SOX14: variants seen among roughly 807,000 people sequenced by gnomAD.
The protein encoded by SOX14 is SRY-box transcription factor 14.
Under a neutral mutation model 14.8 loss-of-function variants are expected in SOX14, and 5 were observed. The ratio of observed to expected loss-of-function variants is 0.34; its 90% CI spans 0.18 to 0.71. The LOEUF is 0.71. SOX14 is among the 30% of genes least tolerant of loss of function. The probability of loss-of-function intolerance (pLI) is 0.64; values close to 1 mark genes in which losing one functional copy is unlikely to be tolerated. For missense variants in SOX14, 270 were observed against 329.7 expected, an observed-to-expected ratio of 0.82 and a Z score of 1.40; for synonymous variants, 164 against 146.3, an observed-to-expected ratio of 1.12 and a Z score of -0.87.
chr3:137,765,136 C>A lies in SOX14; in HGVS notation c.352C>A (p.Leu118Ile). 1 of 1,612,786 alleles carries A rather than the reference C, an allele frequency of 6.2e-7. No individual in the cohort carries two copies. Among genetic ancestry groups the A allele is most frequent in the Non-Finnish European group, 8.5e-7 (1 of 1,179,282 alleles). Residue 118 changes from leucine (L) to isoleucine (I), a missense_variant, in exon 1 of 1, where the codon CTC (leucine) becomes ATC (isoleucine). Around this residue, in one of 2 missense-constraint regions of SOX14, gnomAD observed 207 missense variants for 210.9 expected, o/e 0.98. Transcript: ENST00000306087. ...AGLPVGASDG[L>I]LSAPEKARAF... Reference sequence around the variant, plus strand: ...CCTGCCCGTGGGGGCCTCCGACGGCCTCCTGAGCGCGCCCGAGAAAGCCCG... The same window carrying A: ...CCTGCCCGTGGGGGCCTCCGACGGCATCCTGAGCGCGCCCGAGAAAGCCCG...
chr3:137,765,686 C>A lies in SOX14; in HGVS notation c.*179C>A, dbSNP rs1024060969. On this transcript the variant is annotated 3_prime_UTR_variant, in exon 1 of 1. Coordinates refer to ENST00000306087, the MANE Select transcript of SOX14 (RefSeq NM_004189.4). ...GTGGGGCGTCCTCCCGGACCCAAGG[C>A]GCAGACAGGTACCGGAAACTTGCAA... The A allele has an allele frequency of 3.5e-5, 26 of 736,820 alleles. No homozygotes were observed. Among genetic ancestry groups the A allele is most frequent in the Non-Finnish European group, 5.4e-5 (26 of 484,606 alleles). The allele number at this position is 736,820 out of a possible 1,614,324, so 45.6% of individuals were successfully genotyped here. A position where few individuals can be genotyped will look rare whatever the true frequency, so the allele number is the denominator to read the frequency against.
chr3:137,764,945 A>G lies in SOX14; in HGVS notation c.161A>G (p.Lys54Arg), dbSNP rs1939214676. The change falls in exon 1 of 1, where the codon AAG becomes AGG. Residue 54 changes from lysine (K) to arginine (R), a missense_variant. Physicochemically the swap from Lys to Arg is conservative, Grantham distance 26. Coordinates refer to ENST00000306087, the MANE Select transcript of SOX14 (RefSeq NM_004189.4). ...TGGAAGCTTCTGTCCGAGGCAGAGAAGCGGCCATACATCGATGAAGCCAAG... is the reference window on the plus strand; with the variant it reads ...TGGAAGCTTCTGTCCGAGGCAGAGAGGCGGCCATACATCGATGAAGCCAAG... ...AEWKLLSEAE[K>R]RPYIDEAKRL... The G allele has an allele frequency of 1.2e-6, 2 of 1,614,156 alleles. No individual in the cohort carries two copies. Among genetic ancestry groups the G allele is most frequent in the African/African-American group, 2.7e-5 (2 of 74,962 alleles).
rs1272740802 is a variant in SOX14, at chr3:137,764,681, C to T, written c.-104C>T. 2 of 1,426,176 alleles carry T rather than the reference C, an allele frequency of 1.4e-6. No homozygotes were observed. The highest frequency in any genetic ancestry group is 1.9e-6 in the Non-Finnish European group (2 of 1,050,866). The allele number at this position is 1,426,176 out of a possible 1,614,324, so 88.3% of individuals were successfully genotyped here. On this transcript the variant is annotated 5_prime_UTR_variant, in exon 1 of 1. Transcript: ENST00000306087. ...CTCAGCGGCGCCAAGGCGAGGGGAG[C>T]GCAGAACCCCGGCTCAGGACGGACA...
Position 137,764,592 on chromosome 3 carries a change from C to G in SOX14, c.-193C>G. 1 of 485,052 alleles carries G rather than the reference C, an allele frequency of 2.1e-6. No individual in the cohort carries two copies. Among genetic ancestry groups the G allele is most frequent in the Non-Finnish European group, 3.3e-6 (1 of 304,170 alleles). 30.0% of individuals were successfully genotyped at this position (485,052 alleles called of 1,614,324 possible). A position where few individuals can be genotyped will look rare whatever the true frequency, so the allele number is the denominator to read the frequency against. On this transcript the variant is annotated 5_prime_UTR_variant, in exon 1 of 1. Coordinates refer to ENST00000306087, the MANE Select transcript of SOX14 (RefSeq NM_004189.4). The stretch of plus-strand genomic sequence containing the variant: ...CCCCCACTCGCTCCCCCGGGGCTGC[C>G]TGGGCGCTGGGACTGGCATGATCAG...
In SOX14 at chr3:137,765,015, C is replaced by T; in HGVS notation, c.231C>T (p.Tyr77=). Residue 77 remains tyrosine, a synonymous_variant, in exon 1 of 1, where the codon TAC becomes TAT. Coordinates refer to ENST00000306087, the MANE Select transcript of SOX14 (RefSeq NM_004189.4). ...QHMKEHPDYK[Y]RPRRKPKNLL... is the part of the protein sequence containing the mutation. ...TGAAGGAGCACCCTGACTACAAGTACCGACCTCGGCGCAAGCCCAAGAACC... is the reference window on the plus strand; with the variant it reads ...TGAAGGAGCACCCTGACTACAAGTATCGACCTCGGCGCAAGCCCAAGAACC... 1 of 1,614,268 alleles carries T rather than the reference C, an allele frequency of 6.2e-7. No homozygotes were observed. Among genetic ancestry groups the T allele is most frequent in the Non-Finnish European group, 8.5e-7 (1 of 1,180,048 alleles).
Position 137,765,517 on chromosome 3 carries a change from C to G in SOX14, c.*10C>G, listed in dbSNP as rs768529633. ...CGCTACGGCCATGTAACCCCCAGCCCGGCCCGGACCTGAGGCGTGGTCTGA... is the reference window on the plus strand; with the variant it reads ...CGCTACGGCCATGTAACCCCCAGCCGGGCCCGGACCTGAGGCGTGGTCTGA... On this transcript the variant is annotated 3_prime_UTR_variant, in exon 1 of 1. Transcript: ENST00000306087. The G allele has an allele frequency of 2.1e-5, 34 of 1,584,994 alleles. No individual in the cohort carries two copies. Among genetic ancestry groups the G allele is most frequent in the Non-Finnish European group, 2.8e-5 (32 of 1,163,612 alleles).
rs1387510309 is a variant in SOX14 at position 137,766,333 on chromosome 3, A to G, written c.*826A>G. The G allele has an allele frequency of 2.0e-5, 3 of 152,252 alleles. No homozygotes were observed. Among genetic ancestry groups the G allele is most frequent in the Non-Finnish European group, 4.4e-5 (3 of 68,046 alleles). The allele number at this position is 152,252 out of a possible 1,614,324, so 9.4% of individuals were successfully genotyped here. On this transcript the variant is annotated 3_prime_UTR_variant, in exon 1 of 1. Coordinates refer to ENST00000306087, the MANE Select transcript of SOX14 (RefSeq NM_004189.4). The stretch of plus-strand genomic sequence containing the variant: ...ATAAAGACAATCTGTCATTGTAAAA[A>G]AGTAACCTTTGATGTGCCTAAAATC...
chr3:137,764,720 C>T lies in SOX14; in HGVS notation c.-65C>T. The T allele has an allele frequency of 6.4e-7, 1 of 1,562,586 alleles. No homozygotes were observed. Among genetic ancestry groups the T allele is most frequent in the Non-Finnish European group, 8.6e-7 (1 of 1,157,398 alleles). On this transcript the variant is annotated 5_prime_UTR_variant, in exon 1 of 1. Coordinates refer to ENST00000306087, the MANE Select transcript of SOX14 (RefSeq NM_004189.4). ...TCAGGACGGACAGACAGACGGCCAG[C>T]CGCGCCCAGGCTCGTCTGCAGAACC...
At position 137,764,598 on chromosome 3, in the gene SOX14, G is replaced by C; in HGVS notation, c.-187G>C. 1 of 477,064 alleles carries C rather than the reference G, an allele frequency of 2.1e-6. No homozygotes were observed. The highest frequency in any genetic ancestry group is 3.3e-6 in the Non-Finnish European group (1 of 304,166). The allele number at this position is 477,064 out of a possible 1,614,324, so 29.6% of individuals were successfully genotyped here. On this transcript the variant is annotated 5_prime_UTR_variant, in exon 1 of 1. Coordinates refer to ENST00000306087, the MANE Select transcript of SOX14 (RefSeq NM_004189.4). ...CTCGCTCCCCCGGGGCTGCCTGGGC[G>C]CTGGGACTGGCATGATCAGCTGAAC...
rs775867872 is a variant in SOX14, at chr3:137,765,345, G to T, written c.561G>T (p.Thr187=). 3 of 1,600,552 alleles carry T rather than the reference G, an allele frequency of 1.9e-6. No homozygotes were observed. Among genetic ancestry groups the T allele is most frequent in the Admixed American group, 1.7e-5 (1 of 57,850 alleles). The change falls in exon 1 of 1, where the codon ACG becomes ACT. Residue 187 remains threonine (T), a synonymous_variant. Transcript: ENST00000306087. ...FGSLSCPSQH[T]HTHPSPTNPG... ...GCCTCAGCTGCCCCAGCCAGCACAC[G>T]CACACGCACCCGTCCCCCACCAACC...
Position 137,765,061 on chromosome 3 carries a change from G to A in SOX14, c.277G>A (p.Val93Ile). Residue 93 changes from valine (V) to isoleucine (I), a missense_variant, in exon 1 of 1, where the codon GTC becomes ATC. Coordinates refer to ENST00000306087, the MANE Select transcript of SOX14 (RefSeq NM_004189.4). ...PKNLLKKDRY[V>I]FPLPYLGDTD... ...GAACCTGCTCAAGAAGGACAGGTAT[G>A]TCTTCCCCTTGCCCTACCTGGGCGA... 2 of 1,614,254 alleles carry A rather than the reference G, an allele frequency of 1.2e-6. No homozygotes were observed. The highest frequency in any genetic ancestry group is 2.2e-5 in the South Asian group (2 of 91,092).
chr3:137,765,393 C>T lies in SOX14; in HGVS notation c.609C>T (p.Asn203=), dbSNP rs765903551. The change falls in exon 1 of 1, where the codon AAC becomes AAT. Residue 203 remains asparagine (N), a synonymous_variant. Coordinates refer to ENST00000306087, the MANE Select transcript of SOX14 (RefSeq NM_004189.4). The part of the protein sequence containing the change: ...PTNPGYVVPC[N]CTAWSASTLQ... ...ACCCTGGCTACGTGGTGCCCTGTAACTGTACCGCCTGGTCTGCCTCCACCC... is the reference window on the plus strand; with the variant it reads ...ACCCTGGCTACGTGGTGCCCTGTAATTGTACCGCCTGGTCTGCCTCCACCC... 1.2e-6 allele frequency: 2 copies of T among 1,613,492 alleles called. No homozygotes were observed. The highest frequency in any genetic ancestry group is 1.7e-6 in the Non-Finnish European group (2 of 1,179,804).
At position 137,764,919 on chromosome 3, in the gene SOX14, A is replaced by G; in HGVS notation, c.135A>G (p.Glu45=). The change falls in exon 1 of 1, where the codon GAA becomes GAG. Residue 45 remains glutamate, a synonymous_variant. Coordinates refer to ENST00000306087, the MANE Select transcript of SOX14 (RefSeq NM_004189.4). ...NSEISKRLGA[E]WKLLSEAEKR... ...AGATCAGCAAACGCCTAGGTGCCGA[A>G]TGGAAGCTTCTGTCCGAGGCAGAGA... 1 of 1,614,230 alleles carries G rather than the reference A, an allele frequency of 6.2e-7. No individual in the cohort carries two copies. The highest frequency in any genetic ancestry group is 8.5e-7 in the Non-Finnish European group (1 of 1,180,032).
chr3:137,765,072 G>A lies in SOX14; in HGVS notation c.288G>A (p.Leu96=), dbSNP rs1285687340. Residue 96 remains leucine, a synonymous_variant, in exon 1 of 1, where the codon TTG becomes TTA. Coordinates refer to ENST00000306087, the MANE Select transcript of SOX14 (RefSeq NM_004189.4). Reference sequence around the variant, plus strand: ...AGAAGGACAGGTATGTCTTCCCCTTGCCCTACCTGGGCGACACGGACCCGC... The same window carrying A: ...AGAAGGACAGGTATGTCTTCCCCTTACCCTACCTGGGCGACACGGACCCGC... ...LLKKDRYVFP[L]PYLGDTDPLK... 15 of 1,614,102 alleles carry A rather than the reference G, an allele frequency of 9.3e-6. No individual in the cohort carries two copies. The highest frequency in any genetic ancestry group is 1.2e-5 in the Non-Finnish European group (14 of 1,180,036).
In SOX14 at chr3:137,765,139, C is replaced by T; in HGVS notation, c.355C>T (p.Leu119=). The stretch of plus-strand genomic sequence containing the variant: ...GCCCGTGGGGGCCTCCGACGGCCTC[C>T]TGAGCGCGCCCGAGAAAGCCCGGGC... ...GLPVGASDGL[L]SAPEKARAFL... The change falls in exon 1 of 1, where the codon CTG becomes TTG. Residue 119 remains leucine, a synonymous_variant. Coordinates refer to ENST00000306087, the MANE Select transcript of SOX14 (RefSeq NM_004189.4). The T allele has an allele frequency of 1.2e-6, 2 of 1,612,832 alleles. No individual in the cohort carries two copies. The highest frequency in any genetic ancestry group is 1.7e-6 in the Non-Finnish European group (2 of 1,179,300).
At position 137,765,150 on chromosome 3, in the gene SOX14, C is replaced by G. The variant is rs755327493; in HGVS notation, c.366C>G (p.Pro122=). Residue 122 remains proline (P), a synonymous_variant, in exon 1 of 1, where the codon CCC becomes CCG. Transcript: ENST00000306087. ...CCTCCGACGGCCTCCTGAGCGCGCC[C>G]GAGAAAGCCCGGGCCTTCTTGCCGC... ...VGASDGLLSA[P]EKARAFLPPA... 2 of 1,612,766 alleles carry G rather than the reference C, an allele frequency of 1.2e-6. No individual in the cohort carries two copies. Among genetic ancestry groups the G allele is most frequent in the South Asian group, 2.2e-5 (2 of 91,020 alleles).
rs771680760 is a variant in SOX14 at position 137,765,536 on chromosome 3, G to C, written c.*29G>C. On this transcript the variant is annotated 3_prime_UTR_variant, in exon 1 of 1. Transcript: ENST00000306087. ...CCAGCCCGGCCCGGACCTGAGGCGT[G>C]GTCTGAAAGCCGGGTCTGCACCCTG... 3 of 1,567,846 alleles carry C rather than the reference G, an allele frequency of 1.9e-6. No homozygotes were observed. The highest frequency in any genetic ancestry group is 2.6e-6 in the Non-Finnish European group (3 of 1,155,494).
Position 137,765,946 on chromosome 3 carries a change from A to G in SOX14, c.*439A>G, listed in dbSNP as rs1939236594. On this transcript the variant is annotated 3_prime_UTR_variant, in exon 1 of 1. Transcript: ENST00000306087. Reference sequence around the variant, plus strand: ...GTTAGCTGTGTCTCTGTGTTTTGCCATCAGACACAACTAGGAGCCATTTGC... The same window carrying G: ...GTTAGCTGTGTCTCTGTGTTTTGCCGTCAGACACAACTAGGAGCCATTTGC... The G allele has an allele frequency of 6.4e-6, 1 of 156,690 alleles. No homozygotes were observed. Among genetic ancestry groups the G allele is most frequent in the Non-Finnish European group, 1.4e-5 (1 of 71,298 alleles). 9.7% of individuals were successfully genotyped at this position (156,690 alleles called of 1,614,324 possible).
chr3:137,765,596 C>G lies in SOX14; in HGVS notation c.*89C>G. 1 of 1,469,854 alleles carries G rather than the reference C, an allele frequency of 6.8e-7. No individual in the cohort carries two copies. The highest frequency in any genetic ancestry group is 9.1e-7 in the Non-Finnish European group (1 of 1,097,992). The allele number at this position is 1,469,854 out of a possible 1,614,324, so 91.1% of individuals were successfully genotyped here. The stretch of plus-strand genomic sequence containing the variant: ...CCTAGCCCCGGCCTGCAGACGCCTC[C>G]GGGGTCAGCCCTGCCGCTGTCCCTT... On this transcript the variant is annotated 3_prime_UTR_variant, in exon 1 of 1. Coordinates refer to ENST00000306087, the MANE Select transcript of SOX14 (RefSeq NM_004189.4).
Sources: allele counts gnomAD v4.1 joint callset, GRCh38; gene constraint gnomAD v4.1.1; regional missense constraint gnomAD v4.1.1; transcripts MANE v1.5; gene names NCBI Gene and HGNC (gene_info 2026-07-23, HGNC 2026-07-21).